Variants in XRCC4 observed in about 807,000 individuals in gnomAD.
XRCC4 encodes X-ray repair cross complementing 4, also known as DNA repair protein XRCC4.
A neutral mutation model predicts 39.1 loss-of-function variants in XRCC4; 28 were observed. The observed-to-expected ratio is 0.72, with a 90% CI of 0.53 to 0.98. The LOEUF is 0.98. Among genes scored for constraint, XRCC4 ranks in the 50% least tolerant of loss-of-function variants. The probability of loss-of-function intolerance (pLI) is 0.00; values close to 1 mark genes in which losing one functional copy is unlikely to be tolerated. For missense variants in XRCC4, 350 were observed against 376.4 expected, an observed-to-expected ratio of 0.93 and a Z score of 0.58; for synonymous variants, 123 against 126.4, an observed-to-expected ratio of 0.97 and a Z score of 0.18.
intron 7 of XRCC4, among the ~76,000 whole-genome samples, chr5:83,300,792 A>T (rs74581656): frequency 1.3e-5 from 2 of 149,596 alleles, no homozygotes; most frequent in Non-Finnish European, 3.0e-5. Flanking sequence ...ATATGTTCTC[A>T]TTGTTCAACT....
chr5:83,348,253 C>T (rs1449858833), intron 7 of XRCC4, among the ~76,000 whole-genome samples: 1 of 152,178 alleles, frequency 6.6e-6, no homozygotes, highest in Non-Finnish European at 1.5e-5. Flanking sequence ...GGGCTCCAAC[C>T]ACACATTTTC....
At chr5:83,096,820 T>C (rs1745698318) in intron 1 of XRCC4, among the ~76,000 whole-genome samples, 1 of 152,180 alleles carries the variant, frequency 6.6e-6, no homozygotes, top group African/African-American at 2.4e-5. Context: ...GACCAATACT[T>C]ACCCATAACA....
intron 3 of XRCC4, among the ~76,000 whole-genome samples, chr5:83,187,502 T>A (rs1750507289): frequency 6.6e-6 from 1 of 152,208 alleles, no homozygotes; most frequent in African/African-American, 2.4e-5. Context: ...AACATCATTC[T>A]GTCTACCACA....
chr5:83,162,923 CTTTTTTTTTTCTT>C (rs1749284664), intron 3 of XRCC4, among the ~76,000 whole-genome samples: 1 of 137,812 alleles, frequency 7.3e-6, no homozygotes. Flanking sequence ...TTTCCTTTTT[CTTTTTTTTTTCTT>C]TTTCTTTCTT....
chr5:83,104,787 A>G (rs947637738), intron 1 of XRCC4, 123 bp from the exon 2 acceptor site: 2 of 758,890 alleles, frequency 2.6e-6, no homozygotes, highest in East Asian at 5.5e-5. Flanking sequence ...CCTATTATAC[A>G]GTTTTTTTGT....
At chr5:83,194,976 G>A (rs1278917748) in intron 3 of XRCC4, among the ~76,000 whole-genome samples, 1 of 152,076 alleles carries the variant, frequency 6.6e-6, no homozygotes, top group Non-Finnish European at 1.5e-5. Flanking sequence ...ACCAAAAGAT[G>A]TGGTAACTGA....
At chr5:83,327,036 T>C (rs1756285455) in intron 7 of XRCC4, among the ~76,000 whole-genome samples, 1 of 152,018 alleles carries the variant, frequency 6.6e-6, no homozygotes, top group African/African-American at 2.4e-5. Context: ...AATATTTCTA[T>C]CTATATTTTT....
At chr5:83,274,427 T>C (rs1754253888) in intron 7 of XRCC4, among the ~76,000 whole-genome samples, 1 of 152,180 alleles carries the variant, frequency 6.6e-6, no homozygotes, top group Non-Finnish European at 1.5e-5. Flanking sequence ...TTTCAACAAA[T>C]ATTTGCTGAG....
intron 3 of XRCC4, among the ~76,000 whole-genome samples, chr5:83,174,485 A>G (rs1213288779): frequency 6.6e-6 from 1 of 152,184 alleles, no homozygotes; most frequent in Non-Finnish European, 1.5e-5. Flanking sequence ...TTTATACTTT[A>G]GCACTCCATT....
At chr5:83,151,451 G>T (rs747023141) in intron 3 of XRCC4, among the ~76,000 whole-genome samples, 30 of 152,050 alleles carry the variant, frequency 2.0e-4, no homozygotes, top group Non-Finnish European at 1.5e-5. Flanking sequence ...TTGCAAAAAG[G>T]TTCATAGAAA....
At chr5:83,138,121 T>A (rs180714399) in intron 3 of XRCC4, among the ~76,000 whole-genome samples, 63 of 152,316 alleles carry the variant, frequency 4.1e-4, no homozygotes, top group African/African-American at 1.4e-3. Context: ...TGAATTGGTG[T>A]ACTACATGAT....
chr5:83,286,666 C>T (rs928337959), intron 7 of XRCC4, among the ~76,000 whole-genome samples: 1 of 151,970 alleles, frequency 6.6e-6, no homozygotes, highest in Non-Finnish European at 1.5e-5. Flanking sequence ...AATATATTAA[C>T]GACATCAACA....
chr5:83,135,285 C>G (rs1747838742), intron 3 of XRCC4, among the ~76,000 whole-genome samples: 1 of 152,148 alleles, frequency 6.6e-6, no homozygotes, highest in Admixed American at 6.5e-5. Context: ...GCAGAAATCA[C>G]CCATCTTCTG....
At chr5:83,097,842 T>A (rs759623510) in intron 1 of XRCC4, among the ~76,000 whole-genome samples, 100 of 152,276 alleles carry the variant, frequency 6.6e-4, no homozygotes, top group Non-Finnish European at 1.2e-3. Flanking sequence ...AAGTGTACTC[T>A]CATCCTTTCT....
At chr5:83,353,853 ACC>A (rs1163858105), downstream of XRCC4, 1 of 152,088 alleles carries the variant, frequency 6.6e-6, no homozygotes, top group African/African-American at 2.4e-5. Context: ...TGTAAATGTA[ACC>A]CCCTGTGTGG....
At position 83,214,851 on chromosome 5, in the gene XRCC4, AT is replaced by A. The variant is rs753068686; in HGVS notation, c.745+9931del. 3.3e-3 allele frequency among the ~76,000 whole-genome samples: 327 copies of A among 98,332 alleles called. 15 individuals are homozygous for A. Among genetic ancestry groups the A allele is most frequent in the East Asian group, 9.1e-3 (5 of 548 alleles). 64.5% of individuals were successfully genotyped at this position (98,332 alleles called of 152,430 possible). The stretch of plus-strand genomic sequence containing the variant: ...GACTCCTTCTCAAAAAAAAAAAATA[AT>A]AATAATAAAAATACAGAATAAAGAA... On this transcript the variant is annotated intron_variant, in intron 6 of 7. Transcript: ENST00000396027.
At chr5:83,348,948 G>T (rs1757000584) in intron 7 of XRCC4, among the ~76,000 whole-genome samples, 1 of 151,860 alleles carries the variant, frequency 6.6e-6, no homozygotes, top group African/African-American at 2.4e-5. Context: ...CTCTACTCCA[G>T]TTCCCAATAA....
At chr5:83,206,692 G>T (rs1453421945) in intron 6 of XRCC4, among the ~76,000 whole-genome samples, 1 of 152,088 alleles carries the variant, frequency 6.6e-6, no homozygotes, top group Admixed American at 6.6e-5. Context: ...ATAAAAGAAA[G>T]AATATGTTTG....
At chr5:83,212,093 CAT>C (rs1416558635) in intron 6 of XRCC4, among the ~76,000 whole-genome samples, 1 of 151,652 alleles carries the variant, frequency 6.6e-6, no homozygotes, top group Non-Finnish European at 1.5e-5. Flanking sequence ...CACATACACA[CAT>C]ATGTATGTTT....
Sources: allele counts gnomAD v4.1 joint callset (sites outside exome capture counted in the v4.1 genomes callset), GRCh38; gene constraint gnomAD v4.1.1; transcripts MANE v1.5; gene names NCBI Gene and HGNC (gene_info 2026-07-23, HGNC 2026-07-21).